The following NREP variants were observed in gnomAD, a reference collection of about 807,000 sequenced individuals.
NREP encodes the protein neuronal regeneration-related protein.
NREP carries 5 observed loss-of-function variants against 8.6 expected under a neutral mutation model. The ratio of observed to expected loss-of-function variants is 0.58; its 90% CI spans 0.30 to 1.22. The LOEUF is 1.22. Ranked by LOEUF, NREP falls within the 50% of genes most tolerant of loss-of-function variation. The pLI, the probability that NREP is intolerant of heterozygous loss-of-function variation, is 0.07. For missense variants in NREP, 86 were observed against 82.5 expected (o/e 1.04, Z -0.17); for synonymous variants, 27 against 28.0 (o/e 0.96, Z 0.11).
At chr5:111,847,285 T>C (rs1156900215) in intron 2 of NREP, among the ~76,000 whole-genome samples, 1 of 152,124 alleles carries the variant, frequency 6.6e-6, no homozygotes, top group African/African-American at 2.4e-5. Context: ...TTATATCCTT[T>C]CATGGCCTTT....
At chr5:111,961,276 A>C (rs1994871) in intron 2 of NREP, among the ~76,000 whole-genome samples, 61,964 of 152,122 alleles carry the variant, frequency 0.41, 15,323 homozygotes, top group Non-Finnish European at 0.56. Flanking sequence ...AGATGAGTAC[A>C]CCTTACCCAC....
intron 2 of NREP, among the ~76,000 whole-genome samples, chr5:111,971,245 AAT>A (rs1756808504): frequency 6.6e-6 from 1 of 152,204 alleles, no homozygotes; most frequent in Non-Finnish European, 1.5e-5. Flanking sequence ...GATTAAAGTA[AAT>A]ATGTCTCCCC....
intron 2 of NREP, among the ~76,000 whole-genome samples, chr5:111,830,241 C>T (rs1333754495): frequency 1.3e-5 from 2 of 152,034 alleles, no homozygotes; most frequent in African/African-American, 2.4e-5. Context: ...TAATGTGGCC[C>T]CCTAAAGATC....
At chr5:111,811,387 C>T (rs575063984) in intron 2 of NREP, among the ~76,000 whole-genome samples, 124 of 152,202 alleles carry the variant, frequency 8.1e-4, no homozygotes, top group Non-Finnish European at 9.0e-4. Context: ...AGCTGTCACT[C>T]GTATTCCCGT....
At chr5:111,756,064 T>TA (rs1750684528) in intron 1 of NREP, 8 of 1,206,324 alleles carry the variant, frequency 6.6e-6, no homozygotes, top group Non-Finnish European at 7.3e-6. Context: ...GGGCTATTCT[T>TA]AGTGTTTGGT....
intron 3 of NREP, chr5:111,734,670 C>T (rs764045587): frequency 7.7e-5 from 53 of 688,306 alleles, no homozygotes; most frequent in Non-Finnish European, 1.4e-4. Flanking sequence ...GAGGACTCAC[C>T]GTTAGTCAAT....
chr5:111,976,669 G>A (rs1312884326), intron 1 of NREP: 3 of 1,498,114 alleles, frequency 2.0e-6, no homozygotes, highest in Non-Finnish European at 2.7e-6. Flanking sequence ...CTTTAAAAAT[G>A]TCCCCTCATA....
At chr5:111,782,916 C>G (rs554200619) in intron 2 of NREP, among the ~76,000 whole-genome samples, 1 of 151,816 alleles carries the variant, frequency 6.6e-6, no homozygotes, top group Non-Finnish European at 1.5e-5. Context: ...TGTATTTAAA[C>G]GAGACAAGGT....
intron 2 of NREP, among the ~76,000 whole-genome samples, chr5:111,922,207 G>A (rs1755259493): frequency 6.6e-6 from 1 of 152,130 alleles, no homozygotes; most frequent in Non-Finnish European, 1.5e-5. Flanking sequence ...TTTCTGAGGT[G>A]TCTTTTGATA....
intron 2 of NREP, among the ~76,000 whole-genome samples, chr5:111,915,442 A>G (rs1456447370): frequency 2.0e-5 from 3 of 152,056 alleles, no homozygotes; most frequent in Non-Finnish European, 4.4e-5. Flanking sequence ...GGCTGGAGTC[A>G]TTTTGGTGAG....
At chr5:111,771,615 T>A (rs1375905785) in intron 2 of NREP, among the ~76,000 whole-genome samples, 4 of 151,890 alleles carry the variant, frequency 2.6e-5, no homozygotes, top group Non-Finnish European at 4.4e-5. Context: ...ATACAAAAAT[T>A]AGCTGGGAGT....
At chr5:111,916,677 C>G (rs1336767079) in intron 2 of NREP, among the ~76,000 whole-genome samples, 4 of 152,146 alleles carry the variant, frequency 2.6e-5, no homozygotes, top group African/African-American at 9.7e-5. Flanking sequence ...TCTCTCTGTA[C>G]TTCAGTTTCC....
chr5:111,949,934 G>A (rs1290855179), intron 2 of NREP, among the ~76,000 whole-genome samples: 1 of 151,974 alleles, frequency 6.6e-6, no homozygotes, highest in African/African-American at 2.4e-5. Context: ...TAATCGTTTG[G>A]GTGTATACCC....
intron 2 of NREP, among the ~76,000 whole-genome samples, chr5:111,965,037 C>T (rs181956589): frequency 5.7e-4 from 86 of 152,168 alleles, no homozygotes; most frequent in African/African-American, 1.5e-3. Flanking sequence ...CTGGTAATTT[C>T]CATCTTCCAC....
intron 2 of NREP, among the ~76,000 whole-genome samples, chr5:111,802,852 G>C (rs1227783040): frequency 6.6e-6 from 1 of 152,210 alleles, no homozygotes; most frequent in Non-Finnish European, 1.5e-5. Flanking sequence ...AAGGGACTAT[G>C]AGCTCCTTAG....
At chr5:111,816,172 AG>A (rs1752381308) in intron 2 of NREP, among the ~76,000 whole-genome samples, 1 of 152,186 alleles carries the variant, frequency 6.6e-6, no homozygotes, top group African/African-American at 2.4e-5. Flanking sequence ...TCCAAAAAAA[AG>A]TTTTTGAATA....
intron 2 of NREP, among the ~76,000 whole-genome samples, chr5:111,964,049 A>T (rs1756558323): frequency 6.6e-6 from 1 of 152,226 alleles, no homozygotes; most frequent in Non-Finnish European, 1.5e-5. Context: ...TGTTAGTCCC[A>T]GGGAAACCTT....
chr5:111,976,719 A>G (rs1330886998), exon 1 of NREP: 1 of 1,550,742 alleles, frequency 6.4e-7, no homozygotes, highest in African/African-American at 1.4e-5. Context: ...CCAAAGCAGA[A>G]TAATTCCAAA....
At chr5:111,882,980 T>G (rs1256796981) in intron 2 of NREP, among the ~76,000 whole-genome samples, 3 of 152,160 alleles carry the variant, frequency 2.0e-5, no homozygotes, top group Non-Finnish European at 4.4e-5. Flanking sequence ...ATAACAATAT[T>G]AACTTTAAAT....
Sources: allele counts gnomAD v4.1 joint callset (sites outside exome capture counted in the v4.1 genomes callset), GRCh38; gene constraint gnomAD v4.1.1; transcripts MANE v1.5; gene names NCBI Gene and HGNC (gene_info 2026-07-23, HGNC 2026-07-21).